The following TFDP1 variants were observed in gnomAD, a reference collection of about 807,000 sequenced individuals.
TFDP1 encodes DRTF1-polypeptide 1.
Under a neutral mutation model 48.0 loss-of-function variants are expected in TFDP1, and 6 were observed. That is an observed-to-expected ratio of 0.13 (90% CI 0.07 to 0.25). The LOEUF (loss-of-function observed/expected upper bound fraction) is 0.25. Ranked by LOEUF, TFDP1 falls within the 10% of genes least tolerant of loss-of-function variation. TFDP1 has a pLI of 1.00. For synonymous variants in TFDP1, 201 were observed against 211.6 expected (o/e 0.95, Z 0.44); for missense variants, 335 against 543.0 (o/e 0.62, Z 3.81).
At chr13:113,639,092 G>T (rs546163412) in intron 11 of TFDP1, among the ~76,000 whole-genome samples, 1 of 152,332 alleles carries the variant, frequency 6.6e-6, no homozygotes. Flanking sequence ...TTACTGATCT[G>T]TGGCAAGGAT....
At position 113,609,131 on chromosome 13, in the gene TFDP1, G is replaced by A. The variant is rs554642957; in HGVS notation, c.13-1865G>A. Among the ~76,000 whole-genome samples, 8 of 152,376 alleles carry A rather than the reference G, an allele frequency of 5.3e-5. No individual in the cohort carries two copies. The South Asian group carries it at 1.0e-3, about 20-fold the overall frequency. On this transcript the variant is annotated intron_variant, in intron 2 of 11. Coordinates refer to ENST00000375370, the MANE Select transcript of TFDP1 (RefSeq NM_007111.5). ...GGCCTGTGCCGGTGCTGTGTCAGGT[G>A]TGGTGGCCTCAGAGCGCCTCCTGGG...
chr13:113,585,673 G>A (rs1438601622), intron 1 of TFDP1, 101 bp from the exon 2 acceptor site: 1 of 673,372 alleles, frequency 1.5e-6, no homozygotes, highest in Non-Finnish European at 2.4e-6. Context: ...CCTTTGGGAA[G>A]GAAGGTCCGC....
At chr13:113,588,162 T>C (rs2048051195) in intron 2 of TFDP1, among the ~76,000 whole-genome samples, 1 of 152,212 alleles carries the variant, frequency 6.6e-6, no homozygotes, top group South Asian at 2.1e-4. Context: ...CCAGTTAGGT[T>C]TTTAAAAGCA....
At chr13:113,629,137 A>C (rs546382728) in intron 4 of TFDP1, among the ~76,000 whole-genome samples, 2 of 152,312 alleles carry the variant, frequency 1.3e-5, no homozygotes, top group East Asian at 3.9e-4. Flanking sequence ...TGCTGCGGAG[A>C]CACAGTGAGG....
intron 2 of TFDP1, among the ~76,000 whole-genome samples, chr13:113,595,891 G>A (rs1310436777): frequency 6.6e-6 from 1 of 152,304 alleles, no homozygotes; most frequent in East Asian, 1.9e-4. Flanking sequence ...GACCATCCTG[G>A]CTAACATGGT....
intron 4 of TFDP1, among the ~76,000 whole-genome samples, chr13:113,626,228 G>A (rs1341716097): frequency 1.3e-5 from 2 of 152,182 alleles, no homozygotes; most frequent in East Asian, 3.9e-4. Flanking sequence ...TCTCTGTACT[G>A]AGCTGTTTTT....
intron 8 of TFDP1, among the ~76,000 whole-genome samples, chr13:113,635,112 C>T (rs1307904023): frequency 6.6e-6 from 1 of 152,228 alleles, no homozygotes; most frequent in Non-Finnish European, 1.5e-5. Context: ...TGGGTCTTGA[C>T]AGTGCTGATC....
chr13:113,601,688 CCCCAGAGGAAGGGCCTGTGGCCAGGT>C (rs2048431200), intron 2 of TFDP1, among the ~76,000 whole-genome samples: 1 of 152,216 alleles, frequency 6.6e-6, no homozygotes, highest in Non-Finnish European at 1.5e-5. Flanking sequence ...CCAGGCCCGG[CCCCAGAGGAAGGGCCTGTGGCCAGGT>C]GCGCGGAAGG....
At chr13:113,590,737 G>A (rs1176162083) in intron 2 of TFDP1, among the ~76,000 whole-genome samples, 1 of 152,034 alleles carries the variant, frequency 6.6e-6, no homozygotes, top group Admixed American at 6.5e-5. Context: ...TGGGCCGGGC[G>A]CAGTGGCTCA....
intron 2 of TFDP1, among the ~76,000 whole-genome samples, chr13:113,592,007 C>T (rs4150696): frequency 9.2e-4 from 140 of 152,342 alleles, no homozygotes; most frequent in East Asian, 4.2e-3. Context: ...ATCCCGACTC[C>T]GCTTCAGGGC....
At chr13:113,635,559 G>A (rs1240587676) in intron 8 of TFDP1, among the ~76,000 whole-genome samples, 2 of 152,194 alleles carry the variant, frequency 1.3e-5, no homozygotes, top group East Asian at 3.9e-4. Context: ...CAGCACATGG[G>A]CCCTTCTGCG....
chr13:113,596,942 G>T (rs1314565674), intron 2 of TFDP1, among the ~76,000 whole-genome samples: 1 of 152,208 alleles, frequency 6.6e-6, no homozygotes, highest in African/African-American at 2.4e-5. Flanking sequence ...GCCCCAGCCT[G>T]TCCTGAGCTT....
Position 113,637,474 on chromosome 13 carries a change from A to G in TFDP1, c.1007-344A>G. 3 of 838,560 alleles carry G rather than the reference A, an allele frequency of 3.6e-6. No individual in the cohort carries two copies. The South Asian group carries it at 5.2e-5, about 14-fold the overall frequency. The allele number at this position is 838,560 out of a possible 1,614,324, so 51.9% of individuals were successfully genotyped here. ...TCCCGTGCTTCATGGAGCTGCCAGG[A>G]TGGGCTGTGGGAAGAGGGTTTCAGC... On this transcript the variant is annotated intron_variant, in intron 10 of 11. Transcript: ENST00000375370.
At chr13:113,634,095 G>T (rs565588511) in intron 7 of TFDP1, 62 bp downstream of exon 7, 1 of 1,610,904 alleles carries the variant, frequency 6.2e-7, no homozygotes, top group East Asian at 2.2e-5. Flanking sequence ...TGTTTTAGTC[G>T]TCGGTCACTC....
In TFDP1 at chr13:113,623,062, C is replaced by A. The variant is rs1159933578; in HGVS notation, c.80-118C>A. ...CTTGAGCCCTGGATTTGAGACAGTA[C>A]ACGTGGGGAAAGCTAAGCATCTCTA... On this transcript the variant is annotated intron_variant, in intron 3 of 11. Transcript: ENST00000375370. The surrounding 1 kb of genome is among the most constrained non-coding windows in gnomAD (Gnocchi z 5.2). 6 of 832,664 alleles carry A rather than the reference C, an allele frequency of 7.2e-6. No homozygotes were observed. The Admixed American group carries it at 1.1e-4, about 16-fold the overall frequency. The allele number at this position is 832,664 out of a possible 1,614,324, so 51.6% of individuals were successfully genotyped here.
chr13:113,619,740 G>A (rs763396719), intron 3 of TFDP1, among the ~76,000 whole-genome samples: 1 of 152,140 alleles, frequency 6.6e-6, no homozygotes, highest in Non-Finnish European at 1.5e-5. Context: ...ACTGATGTAC[G>A]TACCCTGCCC....
rs529469169 is a variant in TFDP1 at position 113,623,728 on chromosome 13, G to GC, written c.186+446dup. Among the ~76,000 whole-genome samples the GC allele has an allele frequency of 7.3e-4, 111 of 152,332 alleles. No homozygotes were observed. Among genetic ancestry groups the GC allele is most frequent in the Admixed American group, 2.4e-3 (37 of 15,306 alleles). ...GGGCCCTGGCCGTGGCTGTGCGTTT[G>GC]CCCCGGGGCAGTGACAGGGCAGATG... On this transcript the variant is annotated intron_variant, in intron 4 of 11. Coordinates refer to ENST00000375370, the MANE Select transcript of TFDP1 (RefSeq NM_007111.5). The surrounding 1 kb of genome is among the most constrained non-coding windows in gnomAD (Gnocchi z 5.2).
At chr13:113,610,594 G>A (rs4150727) in intron 2 of TFDP1, among the ~76,000 whole-genome samples, 3,667 of 151,716 alleles carry the variant, frequency 0.024, 152 homozygotes, top group African/African-American at 0.081. Context: ...GTGCCGTCAC[G>A]TGTGTACCCC....
intron 3 of TFDP1, 37 bp downstream of exon 3, chr13:113,611,099 T>A (rs760042809): frequency 6.5e-7 from 1 of 1,546,790 alleles, no homozygotes; most frequent in Admixed American, 1.7e-5. Context: ...CTTGTGTTGA[T>A]GAATGCATGA....
Sources: allele counts gnomAD v4.1 joint callset (sites outside exome capture counted in the v4.1 genomes callset), GRCh38; gene constraint gnomAD v4.1.1; non-coding constraint Gnocchi (gnomAD v3.1); transcripts MANE v1.5; gene names NCBI Gene and HGNC (gene_info 2026-07-23, HGNC 2026-07-21).